The following CPEB3 variants were observed in gnomAD, a reference collection of about 807,000 sequenced individuals.
CPEB3 encodes the protein cytoplasmic polyadenylation element-binding protein 3.
Under a neutral mutation model 67.2 loss-of-function variants are expected in CPEB3, and 20 were observed. The observed-to-expected ratio is 0.30, with a 90% CI of 0.21 to 0.43. The LOEUF is 0.43. Among genes scored for constraint, CPEB3 ranks in the 20% least tolerant of loss-of-function variants. CPEB3 has a pLI of 1.00. For synonymous variants in CPEB3, 376 were observed against 393.1 expected (o/e 0.96, Z 0.51); for missense variants, 746 against 968.6 (o/e 0.77, Z 3.05).
intron 1 of CPEB3, among the ~76,000 whole-genome samples, chr10:92,249,000 C>T (rs552271272): frequency 3.3e-5 from 5 of 152,144 alleles, no homozygotes; most frequent in Non-Finnish European, 7.3e-5. Flanking sequence ...TTGTAGCTGT[C>T]AATGTCATAG....
chr10:92,128,156 A>C (rs2133685774), intron 6 of CPEB3, among the ~76,000 whole-genome samples: 1 of 152,328 alleles, frequency 6.6e-6, no homozygotes, highest in East Asian at 1.9e-4. Flanking sequence ...TTTATCCTAC[A>C]GAAAATAATC....
At chr10:92,142,925 G>GA in intron 6 of CPEB3, 104 bp downstream of exon 6, 1 of 723,478 alleles carries the variant, frequency 1.4e-6, no homozygotes, top group Non-Finnish European at 2.3e-6. Context: ...CTAATTGGGG[G>GA]AAAAAATTCA....
chr10:92,085,167 C>A (rs1006499451), intron 8 of CPEB3, among the ~76,000 whole-genome samples: 3 of 152,072 alleles, frequency 2.0e-5, no homozygotes, highest in Non-Finnish European at 4.4e-5. Flanking sequence ...GGCATAGAGG[C>A]GAAGGAATCC....
intron 2 of CPEB3, among the ~76,000 whole-genome samples, chr10:92,213,808 T>C (rs1850211814): frequency 6.6e-6 from 1 of 152,162 alleles, no homozygotes; most frequent in Non-Finnish European, 1.5e-5. Flanking sequence ...AGTCTAGAGC[T>C]AATTATAATA....
At chr10:92,211,271 T>G (rs1392558341) in intron 2 of CPEB3, among the ~76,000 whole-genome samples, 2 of 152,186 alleles carry the variant, frequency 1.3e-5, no homozygotes, top group African/African-American at 2.4e-5. Context: ...GAAGGCTTAG[T>G]CTGGTAGATA....
Position 92,239,571 on chromosome 10 carries a change from G to A in CPEB3, c.780C>T (p.Gly260=), listed in dbSNP as rs1028646119. ...GAGGGTCCCGGCCCGCCTGCAGGCC[G>A]CCCCAGGGGTTGGACGGTGCGCTCC... is the stretch of plus-strand genomic sequence containing the variant. ...AAWSAPSNPW[G]GLQAGRDPRR... is the part of the protein sequence containing the mutation. Residue 260 remains glycine, a synonymous_variant, in exon 2 of 10, where the codon GGC becomes GGT. Transcript: ENST00000265997. This position sits in a 1 kb window ranked among gnomAD's most constrained non-coding sequence, Gnocchi z 6.0. The A allele has an allele frequency of 1.3e-6, 2 of 1,555,038 alleles. No individual in the cohort carries two copies. Among genetic ancestry groups the A allele is most frequent in the African/African-American group, 1.4e-5 (1 of 73,664 alleles).
rs752722982 is a variant in CPEB3 at position 92,184,790 on chromosome 10, T to C, written c.1166-3771A>G. On this transcript the variant is annotated intron_variant, in intron 3 of 9. Coordinates refer to ENST00000265997, the MANE Select transcript of CPEB3 (RefSeq NM_014912.5). ...GTAATTTTTAGATTATAAAATGCAA[T>C]ATATTTTCATTGGAGAAAAATCACA... Among the ~76,000 whole-genome samples the C allele has an allele frequency of 1.6e-3, 244 of 152,176 alleles. 3 individuals are homozygous for C. The highest frequency in any genetic ancestry group is 4.3e-4 in the Non-Finnish European group (29 of 68,028).
At chr10:92,073,356 A>C (rs1842823429) in intron 9 of CPEB3, among the ~76,000 whole-genome samples, 1 of 151,870 alleles carries the variant, frequency 6.6e-6, no homozygotes, top group Non-Finnish European at 1.5e-5. Flanking sequence ...TGTCATTTAC[A>C]ACAAAATGTT....
rs193049140 is a variant in CPEB3 at position 92,058,984 on chromosome 10, A to C, written c.1870-6545T>G. 1.8e-3 allele frequency among the ~76,000 whole-genome samples: 277 copies of C among 152,320 alleles called. 1 individual carries two copies. The highest frequency in any genetic ancestry group is 6.5e-3 in the African/African-American group (269 of 41,576). ...ATAATATCAAGCATCTTCTGTAACC[A>C]CAATGGAATAAAACTGGAAATTAAT... is the stretch of plus-strand genomic sequence containing the variant. On this transcript the variant is annotated intron_variant, in intron 9 of 9. Coordinates refer to ENST00000265997, the MANE Select transcript of CPEB3 (RefSeq NM_014912.5).
rs1851776041 is a variant in CPEB3, at chr10:92,240,224, C to G, written c.127G>C (p.Glu43Gln). 6.6e-7 allele frequency: 1 copy of G among 1,509,052 alleles called. No homozygotes were observed. 93.5% of individuals were successfully genotyped at this position (1,509,052 alleles called of 1,614,324 possible). A position where few individuals can be genotyped will look rare whatever the true frequency, so the allele number is the denominator to read the frequency against. ...CTGTTTTCCTCCGGCTTGGGGGTCTCTGAGGAGAGGGGCGTGGACGGGGCT... is the reference window on the plus strand; with the variant it reads ...CTGTTTTCCTCCGGCTTGGGGGTCTGTGAGGAGAGGGGCGTGGACGGGGCT... ...SEAPSTPLSS[E>Q]TPKPEENSAV... The change falls in exon 2 of 10, where the codon GAG becomes CAG. Residue 43 changes from glutamate (E) to glutamine (Q), a missense_variant. Around this residue, in one of 2 missense-constraint regions of CPEB3, gnomAD observed 643 missense variants for 717.5 expected, o/e 0.90. Transcript: ENST00000265997.
chr10:92,161,882 C>T (rs1590272265), intron 4 of CPEB3, among the ~76,000 whole-genome samples: 1 of 151,936 alleles, frequency 6.6e-6, no homozygotes, highest in Non-Finnish European at 1.5e-5. Context: ...AGGCTGGTCT[C>T]GAACTCCTGA....
intron 4 of CPEB3, among the ~76,000 whole-genome samples, chr10:92,168,124 A>G (rs1847831521): frequency 6.6e-6 from 1 of 152,240 alleles, no homozygotes; most frequent in African/African-American, 2.4e-5. Flanking sequence ...AGCATGATAC[A>G]GTGAAGCACA....
chr10:92,204,994 G>C (rs1464723240), intron 2 of CPEB3, among the ~76,000 whole-genome samples: 1 of 151,744 alleles, frequency 6.6e-6, no homozygotes, highest in Non-Finnish European at 1.5e-5. Flanking sequence ...TACCTGCCAC[G>C]ATGTCCAGCG....
chr10:92,258,442 T>C (rs1852619513), intron 1 of CPEB3, among the ~76,000 whole-genome samples: 1 of 151,696 alleles, frequency 6.6e-6, no homozygotes, highest in Non-Finnish European at 1.5e-5. Flanking sequence ...TTCTTCATCA[T>C]ACCATCATAT....
intron 6 of CPEB3, among the ~76,000 whole-genome samples, chr10:92,133,163 A>C (rs541791169): frequency 1.3e-5 from 2 of 152,332 alleles, no homozygotes; most frequent in Non-Finnish European, 2.9e-5. Flanking sequence ...GAAATAACTA[A>C]GATCAGAGCA....
In CPEB3 at chr10:92,268,986, C is replaced by T. The variant is rs553093807; in HGVS notation, c.-12+21940G>A. The stretch of plus-strand genomic sequence containing the variant: ...AGGGAGACACTGACCCCTACTATAG[C>T]TGCAATTAAGTCCTCAGTTGATTCT... On this transcript the variant is annotated intron_variant, in intron 1 of 9. Coordinates refer to ENST00000265997, the MANE Select transcript of CPEB3 (RefSeq NM_014912.5). Among the ~76,000 whole-genome samples the T allele has an allele frequency of 7.2e-5, 11 of 152,236 alleles. 1 individual carries two copies. The South Asian group carries it at 2.1e-3, about 29-fold the overall frequency.
chr10:92,117,883 A>G (rs758347370), intron 6 of CPEB3, among the ~76,000 whole-genome samples: 1 of 152,180 alleles, frequency 6.6e-6, no homozygotes, highest in Non-Finnish European at 1.5e-5. Context: ...TCCTCACAGT[A>G]ACTCTATGAG....
At chr10:92,163,205 C>A (rs560803638) in intron 4 of CPEB3, among the ~76,000 whole-genome samples, 2 of 152,126 alleles carry the variant, frequency 1.3e-5, no homozygotes, top group Non-Finnish European at 2.9e-5. Flanking sequence ...GAGGCCAAGG[C>A]GGGTGGATCA....
intron 1 of CPEB3, among the ~76,000 whole-genome samples, chr10:92,241,425 C>A (rs114340591): frequency 3.4e-4 from 52 of 152,270 alleles, no homozygotes; most frequent in African/African-American, 1.2e-3. Context: ...CTGTCTTGGT[C>A]ACAAGACTTT....
Sources: gnomAD v4.1 joint callset for allele counts (sites outside exome capture counted in the v4.1 genomes callset) on GRCh38, gnomAD v4.1.1 for gene constraint, gnomAD v4.1.1 regional missense constraint, Gnocchi (gnomAD v3.1) non-coding constraint, MANE v1.5 for transcripts, NCBI Gene and HGNC (gene_info 2026-07-23, HGNC 2026-07-21) for gene names.